The following FARP2 variants were observed in gnomAD, a reference collection of about 807,000 sequenced individuals.
The protein encoded by FARP2 is FERM, ARHGEF and pleckstrin domain-containing protein 2.
In FARP2, 111 loss-of-function variants were observed where a neutral mutation model predicts 130.5. The observed-to-expected ratio is 0.85, with a 90% confidence interval of 0.73 to 1.00. FARP2 has a LOEUF of 1.00. Ranked by LOEUF, FARP2 falls within the 50% of genes least tolerant of loss-of-function variation. FARP2 has a pLI of 0.00. For synonymous variants in FARP2, 504 were observed against 516.9 expected (o/e 0.98, Z 0.34); for missense variants, 1,385 against 1,346.3 (o/e 1.03, Z -0.45).
Position 241,453,768 on chromosome 2 carries a change from G to GTTTTTTTTTTTTTTTTTT in FARP2, c.1412-2979_1412-2978insTTTTTTTTTTTTTTTTTT, listed in dbSNP as rs1559786201. On this transcript the variant is annotated intron_variant, in intron 13 of 26. Transcript: ENST00000264042. ...TTGTTTACTGGGAGTGGCACTTACT[G>GTTTTTTTTTTTTTTTTTT]GTTTTTTTTTTTTTTTTTTTTTTTT... 7.0e-5 allele frequency among the ~76,000 whole-genome samples: 7 copies of GTTTTTTTTTTTTTTTTTT among 99,896 alleles called. 2 individuals carry two copies. Among genetic ancestry groups the GTTTTTTTTTTTTTTTTTT allele is most frequent in the African/African-American group, 1.6e-4 (4 of 25,058 alleles). 65.5% of individuals were successfully genotyped at this position (99,896 alleles called of 152,430 possible).
intron 8 of FARP2, among the ~76,000 whole-genome samples, chr2:241,426,532 G>C (rs935554761): frequency 2.6e-5 from 4 of 152,156 alleles, no homozygotes; most frequent in Admixed American, 6.5e-5. Context: ...GAATGTGCTA[G>C]CTGTCATAAA....
intron 4 of FARP2, 98 bp downstream of exon 4, chr2:241,404,939 G>A: frequency 1.1e-6 from 1 of 875,058 alleles, no homozygotes; most frequent in Non-Finnish European, 1.9e-6. Flanking sequence ...TCACCACCGT[G>A]TATGGTTAGC....
chr2:241,379,654 A>G (rs565792215), intron 2 of FARP2, among the ~76,000 whole-genome samples: 15 of 152,260 alleles, frequency 9.9e-5, no homozygotes, highest in Non-Finnish European at 2.2e-4. Flanking sequence ...TCAAAATTCC[A>G]GAAAGTATTG....
intron 2 of FARP2, among the ~76,000 whole-genome samples, chr2:241,385,480 T>C (rs2061762510): frequency 6.6e-6 from 1 of 152,124 alleles, no homozygotes; most frequent in African/African-American, 2.4e-5. Context: ...CCGGCACTTT[T>C]GGAGGCCAAG....
chr2:241,447,841 C>G (rs1326372488), intron 13 of FARP2, among the ~76,000 whole-genome samples: 1 of 152,194 alleles, frequency 6.6e-6, no homozygotes, highest in African/African-American at 2.4e-5. Context: ...TGAGGATAGG[C>G]TCCTCACCTT....
intron 4 of FARP2, among the ~76,000 whole-genome samples, chr2:241,406,490 A>T (rs1176656214): frequency 6.6e-6 from 1 of 152,004 alleles, no homozygotes; most frequent in Non-Finnish European, 1.5e-5. Context: ...TCTGTCACCC[A>T]GCCTGGAGTG....
intron 13 of FARP2, among the ~76,000 whole-genome samples, chr2:241,453,616 T>C (rs745689704): frequency 3.2e-4 from 48 of 148,964 alleles, no homozygotes; most frequent in Non-Finnish European, 4.9e-4. Context: ...AGCGAGACTC[T>C]GTCTCAAAAA....
At chr2:241,407,431 G>GTT in intron 4 of FARP2, 106 bp from the exon 5 acceptor site, 1 of 839,796 alleles carries the variant, frequency 1.2e-6, no homozygotes, top group Non-Finnish European at 2.0e-6. Context: ...AAGATTTGCT[G>GTT]TAACAGTCCA....
rs78071152 is a variant in FARP2 at position 241,486,266 on chromosome 2, C to A, written c.2421+1935C>A. Among the ~76,000 whole-genome samples, 5 of 146,274 alleles carry A rather than the reference C, an allele frequency of 3.4e-5. No individual in the cohort carries two copies. The South Asian group carries it at 1.1e-3, about 31-fold the overall frequency. ...TTTGAGACCTGCCTGGGGAACATGGCGAAGCCAAATCTCCAAAAATCTTTT... is the reference window on the plus strand; with the variant it reads ...TTTGAGACCTGCCTGGGGAACATGGAGAAGCCAAATCTCCAAAAATCTTTT... On this transcript the variant is annotated intron_variant, in intron 21 of 26. Transcript: ENST00000264042.
chr2:241,368,858 G>T (rs2061368965), intron 1 of FARP2, among the ~76,000 whole-genome samples: 1 of 152,102 alleles, frequency 6.6e-6, no homozygotes, highest in African/African-American at 2.4e-5. Context: ...TAGTGTTAAA[G>T]TCTTAAATAT....
intron 8 of FARP2, among the ~76,000 whole-genome samples, chr2:241,431,375 T>C (rs1322417588): frequency 1.3e-5 from 2 of 151,898 alleles, no homozygotes; most frequent in Non-Finnish European, 2.9e-5. Context: ...CTCCAGAGGC[T>C]GAGGCAGGAT....
rs114096973 is a variant in FARP2, at chr2:241,375,513, C to G, written c.183+2223C>G. The stretch of plus-strand genomic sequence containing the variant: ...TCATAAATAAGATGTAAATTCTTCT[C>G]TAAGAAATTCACCTTTACTGAGTAT... On this transcript the variant is annotated intron_variant, in intron 2 of 26. Transcript: ENST00000264042. Among the ~76,000 whole-genome samples the G allele has an allele frequency of 5.1e-3, 776 of 151,954 alleles. 4 individuals are homozygous for G. The highest frequency in any genetic ancestry group is 0.018 in the African/African-American group (741 of 41,436).
chr2:241,374,061 G>C (rs565283253), intron 2 of FARP2, among the ~76,000 whole-genome samples: 9 of 151,310 alleles, frequency 5.9e-5, no homozygotes, highest in African/African-American at 2.2e-4. Context: ...ACCCAGGCTG[G>C]AGTGCAGTGG....
intron 26 of FARP2, chr2:241,493,718 C>T (rs1041702819): frequency 1.9e-6 from 1 of 519,590 alleles, no homozygotes; most frequent in Non-Finnish European, 3.4e-6. Context: ...CCTCAGCCTC[C>T]TGAGTAACTG....
chr2:241,484,221 G>A lies in FARP2; in HGVS notation c.2332-21G>A, dbSNP rs753811746. On this transcript the variant is annotated intron_variant, in intron 20 of 26. Coordinates refer to ENST00000264042, the MANE Select transcript of FARP2 (RefSeq NM_014808.4). ...ACACTTGTTTGTGAAGTTCATGGAT[G>A]TAAAGCTTGCTGCTTCTCAGTTCTC... 2.5e-6 allele frequency: 4 copies of A among 1,613,842 alleles called. No homozygotes were observed. The South Asian group carries it at 3.3e-5, about 13-fold the overall frequency.
rs761500332 is a variant in FARP2 at position 241,413,333 on chromosome 2, C to G, written c.535C>G (p.Leu179Val). 2 of 1,610,898 alleles carry G rather than the reference C, an allele frequency of 1.2e-6. No homozygotes were observed. Among genetic ancestry groups the G allele is most frequent in the Non-Finnish European group, 8.5e-7 (1 of 1,178,836 alleles). ...QSEIGDYDET[L>V]DREHLKVNEY... ...GGAAATAGGAGATTACGATGAAACG[C>G]TGGACCGAGAGCACCTCAAAGTGAA... The change falls in exon 7 of 27, where the codon CTG becomes GTG. Residue 179 changes from leucine (L) to valine (V), a missense_variant. Physicochemically the swap from Leu to Val is conservative, Grantham distance 32. Coordinates refer to ENST00000264042, the MANE Select transcript of FARP2 (RefSeq NM_014808.4).
intron 1 of FARP2, among the ~76,000 whole-genome samples, chr2:241,360,908 G>A (rs1004163569): frequency 7.3e-5 from 11 of 151,678 alleles, no homozygotes; most frequent in African/African-American, 2.7e-4. Flanking sequence ...TGTTGATAGG[G>A]TACATAAAAC....
chr2:241,431,669 T>G lies in FARP2; in HGVS notation c.772-10T>G. The G allele has an allele frequency of 6.9e-7, 1 of 1,452,140 alleles. No homozygotes were observed. Among genetic ancestry groups the G allele is most frequent in the Non-Finnish European group, 9.6e-7 (1 of 1,037,168 alleles). 90.0% of individuals were successfully genotyped at this position (1,452,140 alleles called of 1,614,324 possible). A position where few individuals can be genotyped will look rare whatever the true frequency, so the allele number is the denominator to read the frequency against. ...ATACAAATGTAATCTGTCTGTCTCT[T>G]GCATTTCAGGGCACCACCAAAATCA... is the stretch of plus-strand genomic sequence containing the variant. On this transcript the variant is annotated splice_polypyrimidine_tract_variant and intron_variant, in intron 8 of 26. Coordinates refer to ENST00000264042, the MANE Select transcript of FARP2 (RefSeq NM_014808.4).
chr2:241,367,845 C>G (rs1285626926), intron 1 of FARP2, among the ~76,000 whole-genome samples: 3 of 151,116 alleles, frequency 2.0e-5, no homozygotes, highest in Non-Finnish European at 4.4e-5. Context: ...CTAGCTCTGT[C>G]ACTTCTGAGT....
Sources: allele counts gnomAD v4.1 joint callset (sites outside exome capture counted in the v4.1 genomes callset), GRCh38; gene constraint gnomAD v4.1.1; transcripts MANE v1.5; gene names NCBI Gene and HGNC (gene_info 2026-07-23, HGNC 2026-07-21).